Variants in PLBD1 observed in about 807,000 individuals in gnomAD.
PLBD1 encodes the protein lysosomal leucine aminopeptidase.
PLBD1 carries 60 observed loss-of-function variants against 63.0 expected under a neutral mutation model. That is an observed-to-expected ratio of 0.95 (90% confidence interval 0.77 to 1.18). PLBD1 has a LOEUF of 1.18. Ranked by LOEUF, PLBD1 falls within the 50% of genes most tolerant of loss-of-function variation. The pLI, the probability that PLBD1 is intolerant of heterozygous loss-of-function variation, is 0.00. For missense variants in PLBD1, 598 were observed against 677.9 expected (o/e 0.88, Z 1.31); for synonymous variants, 262 against 248.0 (o/e 1.06, Z -0.53).
intron 4 of PLBD1, among the ~76,000 whole-genome samples, chr12:14,537,032 T>C (rs150273132): frequency 8.6e-5 from 12 of 138,828 alleles, no homozygotes; most frequent in Admixed American, 3.3e-4. Context: ...GAGGTTGCAG[T>C]GAGCCAAGAT....
chr12:14,509,660 C>G (rs1945281458), intron 8 of PLBD1, among the ~76,000 whole-genome samples: 1 of 152,148 alleles, frequency 6.6e-6, no homozygotes, highest in Non-Finnish European at 1.5e-5. Flanking sequence ...ATTTGGGGAC[C>G]TGGAAAACTG....
intron 6 of PLBD1, among the ~76,000 whole-genome samples, chr12:14,529,754 T>A (rs1346713130): frequency 1.3e-5 from 2 of 152,180 alleles, no homozygotes; most frequent in Non-Finnish European, 2.9e-5. Flanking sequence ...GTCTCCATTA[T>A]TCTGGAGGTC....
At chr12:14,549,597 A>G (rs1565579540) in intron 2 of PLBD1, among the ~76,000 whole-genome samples, 1 of 152,132 alleles carries the variant, frequency 6.6e-6, no homozygotes, top group Non-Finnish European at 1.5e-5. Context: ...CCTTCCACAC[A>G]TGGCCCCCAT....
intron 1 of PLBD1, among the ~76,000 whole-genome samples, chr12:14,559,415 A>C (rs1247627900): frequency 6.6e-6 from 1 of 152,006 alleles, no homozygotes; most frequent in East Asian, 1.9e-4. Flanking sequence ...TACAGAGTGG[A>C]ATTCCTGGGT....
chr12:14,539,151 G>GTATA (rs1173703886), intron 4 of PLBD1, among the ~76,000 whole-genome samples: 1 of 152,132 alleles, frequency 6.6e-6, no homozygotes, highest in East Asian at 1.9e-4. Context: ...TTGTTATACT[G>GTATA]TATAATACAT....
At chr12:14,533,000 T>C (rs911969314) in intron 6 of PLBD1, 2 of 152,228 alleles carry the variant, frequency 1.3e-5, no homozygotes, top group Non-Finnish European at 2.9e-5. Flanking sequence ...TGACCTTCCC[T>C]GGGTATTGCA....
At position 14,511,348 on chromosome 12, in the gene PLBD1, G is replaced by A; in HGVS notation, c.1098C>T (p.Asn366=). 8 of 1,613,502 alleles carry A rather than the reference G, an allele frequency of 5.0e-6. No individual in the cohort carries two copies. Among genetic ancestry groups the A allele is most frequent in the Non-Finnish European group, 5.9e-6 (7 of 1,179,572 alleles). Residue 366 remains asparagine (N), a synonymous_variant, in exon 8 of 11, where the codon AAC becomes AAT. Coordinates refer to ENST00000240617, the MANE Select transcript of PLBD1 (RefSeq NM_024829.6). ...MVLDLKKVKL[N]HSLDKGTLYI... ...ACAGAGTGCCTTTGTCAAGACTGTG[G>A]TTCAGCTTTACTTTCTTCAGGTCCA...
At chr12:14,524,422 A>G (rs983533910) in intron 6 of PLBD1, among the ~76,000 whole-genome samples, 1 of 152,174 alleles carries the variant, frequency 6.6e-6, no homozygotes, top group African/African-American at 2.4e-5. Context: ...CCCTATAAAT[A>G]TGTACAATTA....
intron 6 of PLBD1, among the ~76,000 whole-genome samples, chr12:14,535,133 T>G (rs1018372146): frequency 5.3e-5 from 8 of 152,220 alleles, no homozygotes; most frequent in African/African-American, 1.9e-4. Flanking sequence ...ATATTATTAC[T>G]CTTATTCATA....
At chr12:14,529,798 A>C (rs936265856) in intron 6 of PLBD1, among the ~76,000 whole-genome samples, 3 of 152,210 alleles carry the variant, frequency 2.0e-5, no homozygotes, top group Non-Finnish European at 4.4e-5. Context: ...AAACAATCAA[A>C]GACATACAAG....
chr12:14,511,194 T>C (rs1346889104), intron 8 of PLBD1, 66 bp downstream of exon 8: 3 of 1,425,190 alleles, frequency 2.1e-6, no homozygotes, highest in Non-Finnish European at 2.9e-6. Context: ...CAATGTGCAT[T>C]CCCCTACCAT....
At chr12:14,553,482 C>T in intron 1 of PLBD1, 70 bp from the exon 2 acceptor site, 1 of 1,189,536 alleles carries the variant, frequency 8.4e-7, no homozygotes, top group South Asian at 1.3e-5. Context: ...TCCTATGTAT[C>T]CAACAATTTC....
chr12:14,563,637 T>C (rs1945759911), intron 1 of PLBD1, among the ~76,000 whole-genome samples: 1 of 152,210 alleles, frequency 6.6e-6, no homozygotes, highest in Admixed American at 6.5e-5. Context: ...CACTCAATTA[T>C]ACAGCACTTA....
intron 6 of PLBD1, among the ~76,000 whole-genome samples, chr12:14,527,954 G>A (rs7309773): frequency 0.58 from 87,856 of 151,470 alleles, 26,084 homozygotes; most frequent in Admixed American, 0.71. Context: ...AAAAAAAGAC[G>A]TTTCATAATG....
intron 8 of PLBD1, among the ~76,000 whole-genome samples, chr12:14,510,138 G>A (rs941605677): frequency 6.6e-6 from 1 of 152,096 alleles, no homozygotes; most frequent in African/African-American, 2.4e-5. Flanking sequence ...TAAAAAAACA[G>A]GCTGGGCACC....
chr12:14,511,176 C>G, intron 8 of PLBD1, 84 bp downstream of exon 8: 1 of 1,167,542 alleles, frequency 8.6e-7, no homozygotes, highest in Non-Finnish European at 1.2e-6. Flanking sequence ...CCCCACCACA[C>G]ATTCACACAA....
intron 6 of PLBD1, among the ~76,000 whole-genome samples, chr12:14,533,935 G>A (rs1945488833): frequency 6.6e-6 from 1 of 152,186 alleles, no homozygotes; most frequent in Non-Finnish European, 1.5e-5. Flanking sequence ...CTTGAACCCA[G>A]GAGCTTAAGA....
intron 1 of PLBD1, chr12:14,553,661 T>G (rs1945678367): frequency 1.8e-6 from 1 of 541,440 alleles, no homozygotes; most frequent in Non-Finnish European, 3.3e-6. Context: ...ATCATAGAGG[T>G]GAGCCTGAGT....
chr12:14,565,027 T>A (rs984811474), intron 1 of PLBD1, among the ~76,000 whole-genome samples: 5 of 152,326 alleles, frequency 3.3e-5, no homozygotes, highest in South Asian at 2.1e-4. Flanking sequence ...ATTATGGGGC[T>A]TTTGGTCTGG....
Sources: gnomAD v4.1 joint callset for allele counts (sites outside exome capture counted in the v4.1 genomes callset) on GRCh38, gnomAD v4.1.1 for gene constraint, MANE v1.5 for transcripts, NCBI Gene and HGNC (gene_info 2026-07-23, HGNC 2026-07-21) for gene names.